The following NRXN1 variants were observed in gnomAD, a reference collection of about 807,000 sequenced individuals.
The protein encoded by NRXN1 is neurexin 1.
Under a neutral mutation model 150.9 loss-of-function variants are expected in NRXN1, and 39 were observed. That is an observed-to-expected ratio of 0.26 (90% CI 0.20 to 0.34). The LOEUF is 0.34. NRXN1 is among the 10% of genes least tolerant of loss of function. The pLI is 1.00. For synonymous variants in NRXN1, 924 were observed against 757.0 expected, an observed-to-expected ratio of 1.22 and a Z score of -3.62; for missense variants, 1,815 against 1,949.9, an observed-to-expected ratio of 0.93 and a Z score of 1.30.
At chr2:50,619,224 A>T (rs934109287) in intron 8 of NRXN1, 1 of 152,176 alleles carries the variant, frequency 6.6e-6, no homozygotes, top group Non-Finnish European at 1.5e-5. Context: ...TACACCATTA[A>T]ATTGTAGGCA....
At chr2:50,931,598 G>A (rs1687755624) in intron 2 of NRXN1, among the ~76,000 whole-genome samples, 2 of 151,918 alleles carry the variant, frequency 1.3e-5, no homozygotes, top group Non-Finnish European at 2.9e-5. Flanking sequence ...GTAACAAACA[G>A]CTTGGAAGGA....
In NRXN1 at chr2:50,807,488, T is replaced by C. The variant is rs143343230; in HGVS notation, c.832+114381A>G. Among the ~76,000 whole-genome samples, 24 of 152,302 alleles carry C rather than the reference T, an allele frequency of 1.6e-4. No individual in the cohort carries two copies. The East Asian group carries it at 4.4e-3, about 28-fold the overall frequency. On this transcript the variant is annotated intron_variant, in intron 5 of 22. Coordinates refer to ENST00000401669, the MANE Select transcript of NRXN1 (RefSeq NM_001330078.2). ...ATTTCTGAATCACTGGACTGAATAATTTTATATCAATTTATTCCAACTGCT... is the reference window on the plus strand; with the variant it reads ...ATTTCTGAATCACTGGACTGAATAACTTTATATCAATTTATTCCAACTGCT...
intron 22 of NRXN1, among the ~76,000 whole-genome samples, chr2:49,926,099 G>C (rs1669065126): frequency 6.6e-6 from 1 of 152,178 alleles, no homozygotes; most frequent in African/African-American, 2.4e-5. Context: ...AAAGGCTTTT[G>C]ACTTTTGCTG....
At chr2:50,885,804 C>A (rs959952537) in intron 5 of NRXN1, among the ~76,000 whole-genome samples, 1 of 132,756 alleles carries the variant, frequency 7.5e-6, no homozygotes, top group Non-Finnish European at 1.7e-5. Context: ...ATGTCTAAAT[C>A]GTAAATATTT....
At chr2:50,299,667 A>T (rs1374138990) in intron 17 of NRXN1, among the ~76,000 whole-genome samples, 1 of 152,178 alleles carries the variant, frequency 6.6e-6, no homozygotes, top group Non-Finnish European at 1.5e-5. Context: ...TATTATTCAA[A>T]TTGTTCTTTA....
rs185196627 is a variant in NRXN1 at position 49,952,252 on chromosome 2, A to T, written c.4129-8461T>A. 2.3e-3 allele frequency among the ~76,000 whole-genome samples: 351 copies of T among 152,196 alleles called. 2 individuals carry two copies. The highest frequency in any genetic ancestry group is 8.1e-3 in the African/African-American group (335 of 41,568). On this transcript the variant is annotated intron_variant, in intron 21 of 22. Transcript: ENST00000401669. ...ATGTGATTTACGAAGATACATGATAAGATAAACTTAAAATAAGTGAAAAGG... is the reference window on the plus strand; with the variant it reads ...ATGTGATTTACGAAGATACATGATATGATAAACTTAAAATAAGTGAAAAGG...
At chr2:50,434,398 A>G (rs770396848) in intron 17 of NRXN1, among the ~76,000 whole-genome samples, 13 of 151,806 alleles carry the variant, frequency 8.6e-5, no homozygotes, top group Non-Finnish European at 1.3e-4. Context: ...TGCTTTTTCT[A>G]TGGGTGGATT....
intron 5 of NRXN1, among the ~76,000 whole-genome samples, chr2:50,839,415 C>A (rs1360160529): frequency 1.3e-5 from 2 of 152,070 alleles, no homozygotes; most frequent in African/African-American, 4.8e-5. Flanking sequence ...TAGTCATTTT[C>A]TCATAATGTT....
chr2:50,741,377 T>A (rs531372003), intron 5 of NRXN1, among the ~76,000 whole-genome samples: 4 of 152,162 alleles, frequency 2.6e-5, no homozygotes, highest in African/African-American at 7.2e-5. Flanking sequence ...GCCATGGATA[T>A]ATTTTTGTTC....
intron 22 of NRXN1, among the ~76,000 whole-genome samples, chr2:49,940,788 A>G (rs1302645986): frequency 1.3e-5 from 2 of 152,224 alleles, no homozygotes; most frequent in African/African-American, 4.8e-5. Context: ...ATTTAACATC[A>G]GAAATCGAAA....
chr2:50,832,811 T>C (rs1241597107), intron 5 of NRXN1, among the ~76,000 whole-genome samples: 1 of 152,234 alleles, frequency 6.6e-6, no homozygotes, highest in Non-Finnish European at 1.5e-5. Flanking sequence ...GGCACAGAGA[T>C]ATAGTGAGAA....
chr2:50,937,453 C>G (rs2104450537), intron 2 of NRXN1, among the ~76,000 whole-genome samples: 1 of 152,216 alleles, frequency 6.6e-6, no homozygotes, highest in East Asian at 1.9e-4. Flanking sequence ...GCAGGATTTA[C>G]TTGCCGCAGT....
At chr2:50,842,216 C>T (rs148912194) in intron 5 of NRXN1, among the ~76,000 whole-genome samples, 3 of 152,232 alleles carry the variant, frequency 2.0e-5, no homozygotes, top group Non-Finnish European at 4.4e-5. Context: ...TTGTAATTAC[C>T]CCCTTCAAAT....
At chr2:50,670,380 A>G (rs2104720154) in intron 5 of NRXN1, among the ~76,000 whole-genome samples, 1 of 148,394 alleles carries the variant, frequency 6.7e-6, no homozygotes, top group East Asian at 2.0e-4. Flanking sequence ...AGATATAGGT[A>G]TGGCTTTCTG....
At chr2:50,672,973 G>C (rs901359845) in intron 5 of NRXN1, among the ~76,000 whole-genome samples, 5 of 151,826 alleles carry the variant, frequency 3.3e-5, no homozygotes, top group Non-Finnish European at 5.9e-5. Context: ...TTTTGTTCTA[G>C]CTTACTAAAC....
intron 15 of NRXN1, among the ~76,000 whole-genome samples, chr2:50,474,504 T>A (rs10181033): frequency 6.6e-6 from 1 of 150,840 alleles, no homozygotes; most frequent in African/African-American, 2.4e-5. Flanking sequence ...TTTCAAGGAG[T>A]AATGCAAACC....
At chr2:50,977,166 A>G (rs1237817365) in intron 2 of NRXN1, among the ~76,000 whole-genome samples, 1 of 152,008 alleles carries the variant, frequency 6.6e-6, no homozygotes, top group Non-Finnish European at 1.5e-5. Flanking sequence ...CATTTAAAAT[A>G]CCACATATAA....
intron 18 of NRXN1, among the ~76,000 whole-genome samples, chr2:50,147,915 T>C (rs373344605): frequency 9.4e-4 from 142 of 151,800 alleles, no homozygotes; most frequent in African/African-American, 3.3e-3. Flanking sequence ...TTGTCTCCTG[T>C]AGGAATCCTA....
intron 17 of NRXN1, among the ~76,000 whole-genome samples, chr2:50,375,351 T>C (rs937479886): frequency 6.6e-6 from 1 of 151,128 alleles, no homozygotes; most frequent in Admixed American, 6.6e-5. Flanking sequence ...TCATTTGATT[T>C]TAGAATTACA....
Sources: allele counts gnomAD v4.1 joint callset (sites outside exome capture counted in the v4.1 genomes callset), GRCh38; gene constraint gnomAD v4.1.1; transcripts MANE v1.5; gene names NCBI Gene and HGNC (gene_info 2026-07-23, HGNC 2026-07-21).